Variants in MAPKAPK2 observed in about 807,000 individuals in gnomAD.
MAPKAPK2 encodes the protein MAP kinase-activated protein kinase 2.
Under a neutral mutation model 48.8 loss-of-function variants are expected in MAPKAPK2, and 9 were observed. The ratio of observed to expected loss-of-function variants is 0.18; its 90% CI spans 0.11 to 0.32. The LOEUF is 0.32. MAPKAPK2 is among the 10% of genes least tolerant of loss of function. The pLI is 1.00. For synonymous variants in MAPKAPK2, 202 were observed against 190.6 expected (o/e 1.06, Z -0.49); for missense variants, 331 against 498.3 (o/e 0.66, Z 3.20).
rs557544155 is a variant in MAPKAPK2, at chr1:206,702,762, T to C, written c.279+17254T>C. Among the ~76,000 whole-genome samples the C allele has an allele frequency of 4.6e-5, 7 of 152,350 alleles. No homozygotes were observed. The South Asian group carries it at 1.4e-3, about 32-fold the overall frequency. On this transcript the variant is annotated intron_variant, in intron 1 of 9. Transcript: ENST00000367103. ...AGCTGGTTTGTCCTGCCTTCCACAC[T>C]TTGCCTTCCAGGAGAGCACTCCTTC...
rs781852233 is a variant in MAPKAPK2, at chr1:206,731,619, G to A, written c.893-21G>A. 2 of 1,594,780 alleles carry A rather than the reference G, an allele frequency of 1.3e-6. No individual in the cohort carries two copies. The highest frequency in any genetic ancestry group is 1.7e-5 in the Admixed American group (1 of 60,002). On this transcript the variant is annotated intron_variant, in intron 7 of 9. Coordinates refer to ENST00000367103, the MANE Select transcript of MAPKAPK2 (RefSeq NM_032960.4). The surrounding 1 kb of genome is among the most constrained non-coding windows in gnomAD (Gnocchi z 5.9). ...GGAGAGTGACCCCTGAGCTGTCACT[G>A]CCCCCTGTCCCACCCCACAGTGAAG...
chr1:206,691,788 G>T (rs930662642), intron 1 of MAPKAPK2, among the ~76,000 whole-genome samples: 58 of 152,166 alleles, frequency 3.8e-4, no homozygotes, highest in African/African-American at 1.3e-3. Context: ...CTTGCTCCGG[G>T]TCTGACCATC....
intron 1 of MAPKAPK2, among the ~76,000 whole-genome samples, chr1:206,719,486 T>C (rs1673445641): frequency 6.6e-6 from 1 of 152,256 alleles, no homozygotes; most frequent in Non-Finnish European, 1.5e-5. Flanking sequence ...AACCAAATGT[T>C]TGGGAATGTG....
At chr1:206,728,620 T>C (rs1673787111) in intron 1 of MAPKAPK2, 90 bp from the exon 2 acceptor site, 2 of 1,454,692 alleles carry the variant, frequency 1.4e-6, no homozygotes, top group Non-Finnish European at 1.9e-6. Context: ...GTTTGTGGTA[T>C]GTCGGTGGCG....
chr1:206,704,390 A>C lies in MAPKAPK2; in HGVS notation c.279+18882A>C, dbSNP rs1572490148. Reference sequence around the variant, plus strand: ...CCTGCTTTTCCTTTCAGGTTGCTGGAATTAGTGGTGGTGGTGGCTCAGCTC... The same window carrying C: ...CCTGCTTTTCCTTTCAGGTTGCTGGCATTAGTGGTGGTGGTGGCTCAGCTC... On this transcript the variant is annotated intron_variant, in intron 1 of 9. Coordinates refer to ENST00000367103, the MANE Select transcript of MAPKAPK2 (RefSeq NM_032960.4). The surrounding 1 kb of genome is among the most constrained non-coding windows in gnomAD (Gnocchi z 4.3). Among the ~76,000 whole-genome samples the C allele has an allele frequency of 1.3e-5, 2 of 152,184 alleles. 1 individual carries two copies. The highest frequency in any genetic ancestry group is 3.9e-4 in the East Asian group (2 of 5,178).
At chr1:206,691,655 TA>T in intron 1 of MAPKAPK2, among the ~76,000 whole-genome samples, 1 of 151,998 alleles carries the variant, frequency 6.6e-6, no homozygotes, top group Non-Finnish European at 1.5e-5. Context: ...ATAGGTCAGC[TA>T]AACTTTCCAG....
rs141596202 is a variant in MAPKAPK2, at chr1:206,687,390, C to T, written c.279+1882C>T. Among the ~76,000 whole-genome samples, 1,138 of 152,336 alleles carry T rather than the reference C, an allele frequency of 7.5e-3. 9 individuals are homozygous for T. Among genetic ancestry groups the T allele is most frequent in the African/African-American group, 0.026 (1,076 of 41,574 alleles). ...AAAAATCCAGCAGCGTGTTAAATAA[C>T]ACTCATAGTTTATCCCTCTCAGGTT... On this transcript the variant is annotated intron_variant, in intron 1 of 9. Coordinates refer to ENST00000367103, the MANE Select transcript of MAPKAPK2 (RefSeq NM_032960.4).
chr1:206,686,018 C>G (rs1330557884), intron 1 of MAPKAPK2, among the ~76,000 whole-genome samples: 1 of 152,192 alleles, frequency 6.6e-6, no homozygotes, highest in East Asian at 1.9e-4. Flanking sequence ...TGTGATTTCA[C>G]TTCCCCGAGC....
At chr1:206,687,086 A>G (rs983975200) in intron 1 of MAPKAPK2, among the ~76,000 whole-genome samples, 2 of 152,186 alleles carry the variant, frequency 1.3e-5, no homozygotes, top group East Asian at 3.8e-4. Flanking sequence ...TGAGGAAGTG[A>G]CAGACGGTCT....
chr1:206,729,929 C>T, intron 4 of MAPKAPK2, 43 bp from the exon 5 acceptor site: 7 of 1,613,174 alleles, frequency 4.3e-6, no homozygotes, highest in Non-Finnish European at 5.9e-6. Flanking sequence ...TAGCCCCTCC[C>T]AGGTCCAGCA....
chr1:206,723,837 C>G (rs896017036), intron 1 of MAPKAPK2, among the ~76,000 whole-genome samples: 1 of 152,220 alleles, frequency 6.6e-6, no homozygotes, highest in Non-Finnish European at 1.5e-5. Flanking sequence ...CCCTCACTGC[C>G]GCTGTCCTAG....
rs201764532 is a variant in MAPKAPK2, at chr1:206,728,715, T to C, written c.285T>C (p.Leu95=). The C allele has an allele frequency of 2.8e-5, 45 of 1,613,654 alleles. No homozygotes were observed. The highest frequency in any genetic ancestry group is 3.4e-6 in the Non-Finnish European group (4 of 1,179,934). ...GAAAGCTGTTTGGCCTGCAGATGCT[T>C]CAGGACTGCCCCAAGGCCCGCAGGG... The part of the protein sequence containing the change: ...RTQEKFALKM[L]QDCPKARREV... The change falls in exon 2 of 10, where the codon CTT becomes CTC. Residue 95 remains leucine, a synonymous_variant. Transcript: ENST00000367103.
chr1:206,706,221 G>T (rs1672954971), intron 1 of MAPKAPK2, among the ~76,000 whole-genome samples: 1 of 152,124 alleles, frequency 6.6e-6, no homozygotes, highest in South Asian at 2.1e-4. Context: ...GAGTTAGTCT[G>T]TTCCCAGAAG....
chr1:206,717,094 T>C (rs1285083661), intron 1 of MAPKAPK2, among the ~76,000 whole-genome samples: 2 of 152,196 alleles, frequency 1.3e-5, no homozygotes, highest in Non-Finnish European at 2.9e-5. Context: ...AGGCCAGCGG[T>C]AAACTAATAT....
chr1:206,705,141 AT>A (rs1448516127), intron 1 of MAPKAPK2, among the ~76,000 whole-genome samples: 1 of 152,182 alleles, frequency 6.6e-6, no homozygotes, highest in Non-Finnish European at 1.5e-5. Context: ...CTGTTCAGTG[AT>A]TCAGAGCAAA....
At chr1:206,727,956 T>C (rs1673758796) in intron 1 of MAPKAPK2, among the ~76,000 whole-genome samples, 1 of 152,050 alleles carries the variant, frequency 6.6e-6, no homozygotes, top group Non-Finnish European at 1.5e-5. Context: ...GCCAGTTGAG[T>C]TGTAGGCTTG....
intron 1 of MAPKAPK2, among the ~76,000 whole-genome samples, chr1:206,701,511 A>G (rs542609573): frequency 6.6e-6 from 1 of 152,268 alleles, no homozygotes; most frequent in South Asian, 2.1e-4. Flanking sequence ...AGTAGAAGGT[A>G]TTCATTTAGA....
intron 1 of MAPKAPK2, among the ~76,000 whole-genome samples, chr1:206,716,147 A>G (rs1553430327): frequency 6.6e-6 from 1 of 151,324 alleles, no homozygotes; most frequent in African/African-American, 2.4e-5. Flanking sequence ...CTTCCTGGCC[A>G]GAAGTAAGTT....
intron 1 of MAPKAPK2, among the ~76,000 whole-genome samples, chr1:206,705,866 C>T (rs1411794036): frequency 3.9e-5 from 6 of 152,122 alleles, no homozygotes; most frequent in Non-Finnish European, 8.8e-5. Flanking sequence ...TGCAGATGGC[C>T]GACTCCTGAG....
Sources: allele counts gnomAD v4.1 joint callset (sites outside exome capture counted in the v4.1 genomes callset), GRCh38; gene constraint gnomAD v4.1.1; non-coding constraint Gnocchi (gnomAD v3.1); transcripts MANE v1.5; gene names NCBI Gene and HGNC (gene_info 2026-07-23, HGNC 2026-07-21).